Variants in TULP4 observed in about 807,000 individuals in gnomAD.
TULP4 encodes the protein TUB like protein 4.
TULP4 carries 16 observed loss-of-function variants against 129.0 expected under a neutral mutation model. The ratio of observed to expected loss-of-function variants is 0.12; its 90% CI spans 0.08 to 0.19. The LOEUF (loss-of-function observed/expected upper bound fraction) is 0.19. Among genes scored for constraint, TULP4 ranks in the 10% least tolerant of loss-of-function variants. TULP4 has a pLI of 1.00. For synonymous variants in TULP4, 998 were observed against 854.0 expected (o/e 1.17, Z -2.94); for missense variants, 1,842 against 2,059.1 (o/e 0.89, Z 2.04).
At chr6:158,311,801 G>A (rs547214037), upstream of TULP4, among the ~76,000 whole-genome samples, 1 of 152,244 alleles carries the variant, frequency 6.6e-6, no homozygotes, top group Non-Finnish European at 1.5e-5. Flanking sequence ...ATTCAGATGT[G>A]CCCAGCTGCT....
intron 1 of TULP4, among the ~76,000 whole-genome samples, chr6:158,270,106 C>T (rs1778519962): frequency 6.6e-6 from 1 of 152,212 alleles, no homozygotes; most frequent in Non-Finnish European, 1.5e-5. Flanking sequence ...AAGACCCTTT[C>T]CTATCCAGGC....
At chr6:158,409,873 A>T (rs1027695747) in intron 1 of TULP4, among the ~76,000 whole-genome samples, 13 of 148,670 alleles carry the variant, frequency 8.7e-5, no homozygotes, top group Non-Finnish European at 1.9e-4. Flanking sequence ...TTTTTTTTTT[A>T]GAGGTGGAGT....
At chr6:158,471,993 G>T (rs1168822682) in intron 6 of TULP4, among the ~76,000 whole-genome samples, 3 of 152,048 alleles carry the variant, frequency 2.0e-5, no homozygotes, top group Non-Finnish European at 4.4e-5. Flanking sequence ...CTGACTTAGG[G>T]CCCCCTTCCT....
intron 3 of TULP4, among the ~76,000 whole-genome samples, chr6:158,444,764 G>A (rs991601002): frequency 6.6e-6 from 1 of 152,122 alleles, no homozygotes. Context: ...GTTTAGAATG[G>A]AGTACATTGA....
chr6:158,359,210 A>G (rs565710737), intron 1 of TULP4, among the ~76,000 whole-genome samples: 1 of 152,136 alleles, frequency 6.6e-6, no homozygotes, highest in Admixed American at 6.5e-5. Flanking sequence ...AGTGGTCTCT[A>G]CTGATGGAAT....
At chr6:158,288,451 C>T (rs1583706622) in intron 1 of TULP4, among the ~76,000 whole-genome samples, 1 of 151,314 alleles carries the variant, frequency 6.6e-6, no homozygotes, top group South Asian at 2.1e-4. Flanking sequence ...TATCCTTTAT[C>T]AGAAAAAGGA....
chr6:158,234,777 T>C (rs902487028), intron 1 of TULP4, among the ~76,000 whole-genome samples: 2 of 152,242 alleles, frequency 1.3e-5, no homozygotes. Context: ...AAATGTCAAA[T>C]GTGTTTTAAT....
chr6:158,333,894 G>A (rs1779973551), intron 1 of TULP4, among the ~76,000 whole-genome samples: 2 of 152,084 alleles, frequency 1.3e-5, no homozygotes, highest in Non-Finnish European at 2.9e-5. Flanking sequence ...GGGAAATACA[G>A]ACAAACATAA....
intron 1 of TULP4, among the ~76,000 whole-genome samples, chr6:158,236,419 G>T (rs1420171932): frequency 1.3e-5 from 2 of 152,138 alleles, no homozygotes; most frequent in Admixed American, 1.3e-4. Flanking sequence ...AATGGGCTAA[G>T]GACATGAGCA....
At chr6:158,415,191 G>A (rs1231020427) in intron 2 of TULP4, among the ~76,000 whole-genome samples, 5 of 152,246 alleles carry the variant, frequency 3.3e-5, no homozygotes, top group South Asian at 2.1e-4. Context: ...CACATGACTC[G>A]TGTTTGTGGT....
At chr6:158,360,641 T>C (rs989771847) in intron 1 of TULP4, among the ~76,000 whole-genome samples, 5 of 152,202 alleles carry the variant, frequency 3.3e-5, no homozygotes, top group African/African-American at 1.2e-4. Flanking sequence ...AATGTTTATT[T>C]GGCAGGTAAT....
intron 1 of TULP4, among the ~76,000 whole-genome samples, chr6:158,248,714 C>G (rs542660608): frequency 6.6e-6 from 1 of 151,650 alleles, no homozygotes; most frequent in African/African-American, 2.4e-5. Flanking sequence ...CGCACTCTAG[C>G]CTGGGTAACA....
intron 2 of TULP4, among the ~76,000 whole-genome samples, chr6:158,420,009 TA>T (rs1778300391): frequency 6.6e-6 from 1 of 152,202 alleles, no homozygotes; most frequent in Non-Finnish European, 1.5e-5. Flanking sequence ...ACAGAAGGGT[TA>T]TAAAAATTGA....
Position 158,328,601 on chromosome 6 carries a change from G to T in TULP4, c.252+14333G>T, listed in dbSNP as rs113487777. 1.3e-3 allele frequency among the ~76,000 whole-genome samples: 193 copies of T among 152,234 alleles called. 1 individual carries two copies. The highest frequency in any genetic ancestry group is 4.4e-3 in the African/African-American group (183 of 41,530). ...AGCAGGGGAGAGGAGTGCCCTCATG[G>T]TTGCTAAATGTGGGAATGGAATGTG... On this transcript the variant is annotated intron_variant, in intron 1 of 13. Transcript: ENST00000367097.
chr6:158,424,157 G>A (rs1778420705), intron 2 of TULP4, among the ~76,000 whole-genome samples: 1 of 152,154 alleles, frequency 6.6e-6, no homozygotes, highest in African/African-American at 2.4e-5. Context: ...TAGCGGATTG[G>A]TTCCAGGACT....
chr6:158,259,573 T>C (rs1039218605), intron 1 of TULP4, among the ~76,000 whole-genome samples: 3 of 152,216 alleles, frequency 2.0e-5, no homozygotes, highest in Non-Finnish European at 4.4e-5. Flanking sequence ...ATCCGAACAG[T>C]GGCTAAGAGG....
Position 158,255,613 on chromosome 6 carries a change from C to G in TULP4, n.68+23310C>G, listed in dbSNP as rs760833898. Among the ~76,000 whole-genome samples, 6 of 152,158 alleles carry G rather than the reference C, an allele frequency of 3.9e-5. 1 individual carries two copies. Among genetic ancestry groups the G allele is most frequent in the East Asian group, 1.9e-4 (1 of 5,196 alleles). On this transcript the variant is annotated intron_variant and non_coding_transcript_variant, in intron 1 of 1. Transcript: ENST00000620026. ...CTGGGTGTGGTGCCTGGAACTGTTA[C>G]AATTGTTTTGCTACTGGTCTGAGCA...
chr6:158,435,723 CCAT>C (rs1022177509), intron 3 of TULP4, among the ~76,000 whole-genome samples: 73 of 152,272 alleles, frequency 4.8e-4, no homozygotes, highest in African/African-American at 1.7e-3. Context: ...ACCACCACCA[CCAT>C]GCTTGCAGAG....
chr6:158,239,329 C>G (rs1435083735), intron 1 of TULP4, among the ~76,000 whole-genome samples: 1 of 59,928 alleles, frequency 1.7e-5, no homozygotes, highest in African/African-American at 5.4e-5. Context: ...CGCCCCTCAC[C>G]TCCCGGACGG....
Sources: gnomAD v4.1 joint callset for allele counts (sites outside exome capture counted in the v4.1 genomes callset) on GRCh38, gnomAD v4.1.1 for gene constraint, MANE v1.5 for transcripts, NCBI Gene and HGNC (gene_info 2026-07-23, HGNC 2026-07-21) for gene names.